RGS7: variants seen among roughly 807,000 people sequenced by gnomAD.
The protein encoded by RGS7 is regulator of G protein signaling 7.
In RGS7, 27 loss-of-function variants were observed where a neutral mutation model predicts 81.1. That is an observed-to-expected ratio of 0.33 (90% CI 0.25 to 0.46). RGS7 has a LOEUF of 0.46. RGS7 is among the 20% of genes least tolerant of loss of function. RGS7 has a pLI of 1.00. For synonymous variants in RGS7, 208 were observed against 207.7 expected (o/e 1.00, Z -0.01); for missense variants, 396 against 607.4 (o/e 0.65, Z 3.66).
At chr1:241,240,469 G>A (rs754556296) in intron 2 of RGS7, among the ~76,000 whole-genome samples, 2 of 152,180 alleles carry the variant, frequency 1.3e-5, no homozygotes, top group Non-Finnish European at 2.9e-5. Flanking sequence ...ATATGTATGT[G>A]TGTGGGTGTA....
rs1676681382 is a variant in RGS7, at chr1:240,936,624, A to G, written c.309T>C (p.Asp103=). 1 of 1,613,848 alleles carries G rather than the reference A, an allele frequency of 6.2e-7. No homozygotes were observed. The change falls in exon 5 of 19, where the codon GAT becomes GAC. Residue 103 remains aspartate (D), a synonymous_variant. Coordinates refer to ENST00000440928, the MANE Select transcript of RGS7 (RefSeq NM_001364886.1). ...PISDHVLTLK[D]DGTFYRFQTP... is the part of the protein sequence containing the mutation. ...CTTGAAACCGGTAAAAGGTGCCATCATCCTTGAGTGTGAGGACATGATCTG... is the reference window on the plus strand; with the variant it reads ...CTTGAAACCGGTAAAAGGTGCCATCGTCCTTGAGTGTGAGGACATGATCTG...
At chr1:241,311,650 A>T (rs543688916) in intron 2 of RGS7, among the ~76,000 whole-genome samples, 1 of 152,322 alleles carries the variant, frequency 6.6e-6, no homozygotes, top group South Asian at 2.1e-4. Context: ...ATAGGGCTCA[A>T]TTCAGCTGGG....
chr1:240,820,974 G>C (rs1448810990), intron 10 of RGS7, among the ~76,000 whole-genome samples: 1 of 152,036 alleles, frequency 6.6e-6, no homozygotes, highest in East Asian at 1.9e-4. Flanking sequence ...TTTCTTTCAC[G>C]GTTGCTCAGC....
At chr1:241,235,664 CTT>C (rs1278943704) in intron 2 of RGS7, among the ~76,000 whole-genome samples, 3 of 79,724 alleles carry the variant, frequency 3.8e-5, no homozygotes. Context: ...CTTTCTTTCT[CTT>C]TCTCTCTCTC....
At chr1:241,165,778 A>G (rs1302751884) in intron 2 of RGS7, among the ~76,000 whole-genome samples, 1 of 151,588 alleles carries the variant, frequency 6.6e-6, no homozygotes, top group African/African-American at 2.4e-5. Context: ...CTTAAAGTAT[A>G]ATAATAATAA....
At position 240,923,057 on chromosome 1, in the gene RGS7, G is replaced by T. The variant is rs147839058; in HGVS notation, c.385+7660C>A. On this transcript the variant is annotated intron_variant, in intron 6 of 18. Coordinates refer to ENST00000440928, the MANE Select transcript of RGS7 (RefSeq NM_001364886.1). ...ATATCCTGCCATGCAAAGACATGGA[G>T]AAACTATAACAAATCTTGTTAAGTG... is the stretch of plus-strand genomic sequence containing the variant. Among the ~76,000 whole-genome samples the T allele has an allele frequency of 3.5e-4, 54 of 152,220 alleles. No individual in the cohort carries two copies. In the East Asian group the frequency reaches 9.1e-3, roughly 26 times the overall value.
chr1:240,922,415 C>A (rs1209114256), intron 6 of RGS7, among the ~76,000 whole-genome samples: 2 of 151,876 alleles, frequency 1.3e-5, no homozygotes, highest in African/African-American at 2.4e-5. Flanking sequence ...TTAAATACAC[C>A]ATTAAGACAC....
intron 6 of RGS7, among the ~76,000 whole-genome samples, chr1:240,910,976 T>C (rs2148249042): frequency 6.6e-6 from 1 of 152,302 alleles, no homozygotes; most frequent in East Asian, 1.9e-4. Context: ...GTGCTGGGAT[T>C]ACAGGCCTGA....
chr1:241,284,775 A>G (rs1444183352), intron 2 of RGS7, among the ~76,000 whole-genome samples: 2 of 152,198 alleles, frequency 1.3e-5, no homozygotes, highest in Non-Finnish European at 2.9e-5. Context: ...CTTTGCTGAT[A>G]TGGGTGGGAG....
At chr1:240,867,488 CT>C (rs373651875) in intron 9 of RGS7, among the ~76,000 whole-genome samples, 23 of 152,260 alleles carry the variant, frequency 1.5e-4, no homozygotes, top group African/African-American at 5.5e-4. Flanking sequence ...CTGGTAACCA[CT>C]GTTTAATTTC....
At chr1:241,015,819 A>C (rs1322972268) in intron 3 of RGS7, among the ~76,000 whole-genome samples, 1 of 152,216 alleles carries the variant, frequency 6.6e-6, no homozygotes, top group East Asian at 1.9e-4. Context: ...GATAATATCT[A>C]TTATAAGAAT....
chr1:240,879,448 T>C (rs1383534559), intron 6 of RGS7, among the ~76,000 whole-genome samples: 1 of 152,242 alleles, frequency 6.6e-6, no homozygotes, highest in African/African-American at 2.4e-5. Flanking sequence ...AATCTAAAGA[T>C]ACTTGTTCTT....
chr1:241,348,242 C>T lies in RGS7; in HGVS notation c.78+7457G>A, dbSNP rs187657898. On this transcript the variant is annotated intron_variant, in intron 2 of 18. Transcript: ENST00000440928. ...GATAGAAAGTTCTATTGGACAGCATCGCCATAGAGCATCAAATCCAGGACT... is the reference window on the plus strand; with the variant it reads ...GATAGAAAGTTCTATTGGACAGCATTGCCATAGAGCATCAAATCCAGGACT... 8.1e-4 allele frequency among the ~76,000 whole-genome samples: 123 copies of T among 152,308 alleles called. 3 individuals are homozygous for T. In the South Asian group the frequency reaches 0.016, roughly 20 times the overall value.
At chr1:241,069,044 A>C (rs551354409) in intron 3 of RGS7, among the ~76,000 whole-genome samples, 5 of 151,876 alleles carry the variant, frequency 3.3e-5, no homozygotes, top group African/African-American at 1.2e-4. Context: ...CTCCCTGAAG[A>C]CTCCCCAGAA....
At chr1:241,167,886 G>C (rs568770073) in intron 2 of RGS7, among the ~76,000 whole-genome samples, 11 of 152,236 alleles carry the variant, frequency 7.2e-5, no homozygotes, top group African/African-American at 2.6e-4. Flanking sequence ...CTCGGACAAA[G>C]AGCCAGGTCT....
intron 2 of RGS7, among the ~76,000 whole-genome samples, chr1:241,136,540 C>T (rs1016993725): frequency 6.6e-6 from 1 of 152,134 alleles, no homozygotes; most frequent in Non-Finnish European, 1.5e-5. Context: ...TGAGGGGCCA[C>T]GTGGCACTGC....
At chr1:240,869,424 T>A (rs1225390261) in intron 7 of RGS7, among the ~76,000 whole-genome samples, 1 of 152,246 alleles carries the variant, frequency 6.6e-6, no homozygotes, top group Non-Finnish European at 1.5e-5. Context: ...CCAGGGTAAA[T>A]GGTCTTTAAT....
At chr1:240,814,205 G>T (rs1358076690) in intron 12 of RGS7, among the ~76,000 whole-genome samples, 1 of 152,210 alleles carries the variant, frequency 6.6e-6, no homozygotes, top group East Asian at 1.9e-4. Context: ...AGGGAAAGAA[G>T]TTGGGGAGGT....
intron 3 of RGS7, among the ~76,000 whole-genome samples, chr1:241,059,428 T>G (rs1302104988): frequency 2.0e-5 from 3 of 152,190 alleles, no homozygotes; most frequent in African/African-American, 7.2e-5. Context: ...TATCTAAATC[T>G]GGAATCCACA....
Sources: allele counts gnomAD v4.1 joint callset (sites outside exome capture counted in the v4.1 genomes callset), GRCh38; gene constraint gnomAD v4.1.1; transcripts MANE v1.5; gene names NCBI Gene and HGNC (gene_info 2026-07-23, HGNC 2026-07-21).